Variants in GTF2A1L observed in about 807,000 individuals in gnomAD.
GTF2A1L encodes the protein general transcription factor IIA subunit 1 like, also known as TFIIA-alpha and beta-like factor.
A neutral mutation model predicts 49.7 loss-of-function variants in GTF2A1L; 48 were observed. The ratio of observed to expected loss-of-function variants is 0.97; its 90% CI spans 0.77 to 1.23. The LOEUF (loss-of-function observed/expected upper bound fraction) is 1.23, where lower values mean the gene tolerates loss of function less well. Among genes scored for constraint, GTF2A1L ranks in the 50% most tolerant of loss-of-function variants. GTF2A1L has a pLI of 0.00. For synonymous variants in GTF2A1L, 246 were observed against 193.5 expected, an observed-to-expected ratio of 1.27 and a Z score of -2.25; for missense variants, 736 against 564.8, an observed-to-expected ratio of 1.30 and a Z score of -3.07.
intron 4 of GTF2A1L, among the ~76,000 whole-genome samples, chr2:48,642,991 G>T (rs1389855926): frequency 6.6e-6 from 1 of 152,178 alleles, no homozygotes; most frequent in Non-Finnish European, 1.5e-5. Flanking sequence ...GCAGTTGTTA[G>T]CATCTTCCAA....
Position 48,647,000 on chromosome 2 carries a change from A to C in GTF2A1L, c.936A>C (p.Pro312=). The change falls in exon 6 of 9, where the codon CCA becomes CCC. Residue 312 remains proline, a synonymous_variant. Transcript: ENST00000403751. Reference sequence around the variant, plus strand: ...ATGGATGTGATTCTGTAAAGCAACCAAGAAATATAGAGGAACCCAGCAACA... The same window carrying C: ...ATGGATGTGATTCTGTAAAGCAACCCAGAAATATAGAGGAACCCAGCAACA... ...RMYGCDSVKQ[P]RNIEEPSNIP... 6.2e-7 allele frequency: 1 copy of C among 1,613,812 alleles called. No homozygotes were observed. Among genetic ancestry groups the C allele is most frequent in the Non-Finnish European group, 8.5e-7 (1 of 1,179,886 alleles).
At chr2:48,673,363 T>TTG (rs1416551747) in intron 8 of GTF2A1L, among the ~76,000 whole-genome samples, 2 of 99,662 alleles carry the variant, frequency 2.0e-5, no homozygotes, top group East Asian at 4.7e-4. Context: ...AGGAAACTTT[T>TTG]TTTTTTTTTT....
chr2:48,652,338 G>A lies in GTF2A1L; in HGVS notation c.978+5296G>A, dbSNP rs564052761. On this transcript the variant is annotated intron_variant, in intron 6 of 8. Coordinates refer to ENST00000403751, the MANE Select transcript of GTF2A1L (RefSeq NM_006872.5). ...TGCTATTAAAATGAAAAGCCAGGCC[G>A]GGCATGGTGGCTGCTGCCTGTAATC... Among the ~76,000 whole-genome samples, 23 of 152,174 alleles carry A rather than the reference G, an allele frequency of 1.5e-4. No homozygotes were observed. The South Asian group carries it at 2.9e-3, about 19-fold the overall frequency.
At chr2:48,640,318 A>G (rs562273439) in intron 3 of GTF2A1L, among the ~76,000 whole-genome samples, 26 of 152,320 alleles carry the variant, frequency 1.7e-4, no homozygotes, top group African/African-American at 6.0e-4. Context: ...CTGACTGGAT[A>G]AAGGAAATGT....
rs760676701 is a variant in GTF2A1L at position 48,647,003 on chromosome 2, A to G, written c.939A>G (p.Arg313=). 1.2e-6 allele frequency: 2 copies of G among 1,613,698 alleles called. No homozygotes were observed. Among genetic ancestry groups the G allele is most frequent in the Non-Finnish European group, 8.5e-7 (1 of 1,179,820 alleles). ...MYGCDSVKQP[R]NIEEPSNIPV... ...GATGTGATTCTGTAAAGCAACCAAG[A>G]AATATAGAGGAACCCAGCAACATAC... is the stretch of plus-strand genomic sequence containing the variant. The change falls in exon 6 of 9, where the codon AGA becomes AGG. Residue 313 remains arginine (R), a synonymous_variant. Transcript: ENST00000403751.
At chr2:48,618,099 C>A (rs1675766298) in intron 1 of GTF2A1L, 1 of 553,590 alleles carries the variant, frequency 1.8e-6, no homozygotes. Context: ...GTTGGGCCAG[C>A]CCCGCCAAAA....
At chr2:48,648,803 A>G (rs1161948086) in intron 6 of GTF2A1L, among the ~76,000 whole-genome samples, 1 of 152,156 alleles carries the variant, frequency 6.6e-6, no homozygotes, top group Non-Finnish European at 1.5e-5. Context: ...AAAAAGGTCT[A>G]TGTCTAACAC....
intron 7 of GTF2A1L, 126 bp from the exon 8 acceptor site, chr2:48,671,465 T>C: frequency 1.1e-6 from 1 of 896,452 alleles, no homozygotes; most frequent in Non-Finnish European, 1.6e-6. Context: ...AGGCCTCCCG[T>C]AGTGCTGGGA....
At position 48,669,907 on chromosome 2, in the gene GTF2A1L, T is replaced by C. The variant is rs1178948734; in HGVS notation, c.1164T>C (p.Ala388=). The C allele has an allele frequency of 6.2e-7, 1 of 1,614,074 alleles. No homozygotes were observed. The highest frequency in any genetic ancestry group is 8.5e-7 in the Non-Finnish European group (1 of 1,180,000). The change falls in exon 7 of 9, where the codon GCT becomes GCC. Residue 388 remains alanine, a synonymous_variant. Transcript: ENST00000403751. ...ATCTGAAGGTACCTGAAGAAGAAGC[T>C]GACAGTATTTCAAATGAGGATTCAG... ...GGDLKVPEEE[A]DSISNEDSAT...
At chr2:48,660,354 T>G (rs1341554324) in intron 6 of GTF2A1L, among the ~76,000 whole-genome samples, 1 of 152,156 alleles carries the variant, frequency 6.6e-6, no homozygotes, top group Non-Finnish European at 1.5e-5. Flanking sequence ...ATGATTGGTA[T>G]TCATCTTTAA....
rs111701093 is a variant in GTF2A1L, at chr2:48,642,508, G to T, written c.303+51G>T. 5.7e-5 allele frequency: 85 copies of T among 1,480,594 alleles called. No individual in the cohort carries two copies. The South Asian group carries it at 1.0e-3, about 17-fold the overall frequency. 91.7% of individuals were successfully genotyped at this position (1,480,594 alleles called of 1,614,324 possible). On this transcript the variant is annotated intron_variant, in intron 4 of 8. Coordinates refer to ENST00000403751, the MANE Select transcript of GTF2A1L (RefSeq NM_006872.5). ...TTAAAAGACATGTCCCACTGTTAGC[G>T]AGTGGTGGCAAAATGCTGAACATAG...
intron 6 of GTF2A1L, among the ~76,000 whole-genome samples, chr2:48,654,100 C>G (rs1678032945): frequency 6.6e-6 from 1 of 152,054 alleles, no homozygotes; most frequent in Admixed American, 6.5e-5. Context: ...TGGAATTTTG[C>G]ATTTCTACCA....
At chr2:48,655,501 A>AT (rs1173270621) in intron 6 of GTF2A1L, among the ~76,000 whole-genome samples, 1 of 151,990 alleles carries the variant, frequency 6.6e-6, no homozygotes, top group African/African-American at 2.4e-5. Context: ...CCTAAAATAC[A>AT]TTTTTTAAAA....
intron 6 of GTF2A1L, among the ~76,000 whole-genome samples, chr2:48,664,208 T>C (rs1678685063): frequency 6.6e-6 from 1 of 152,174 alleles, no homozygotes; most frequent in South Asian, 2.1e-4. Flanking sequence ...GTTCCTGATT[T>C]TAAGGGGAAA....
At chr2:48,647,924 A>G (rs894254170) in intron 6 of GTF2A1L, among the ~76,000 whole-genome samples, 20 of 152,126 alleles carry the variant, frequency 1.3e-4, no homozygotes, top group Non-Finnish European at 2.9e-5. Context: ...CATGTGAAAA[A>G]TACTTAAAGG....
chr2:48,672,836 G>A (rs1194056118), intron 8 of GTF2A1L, among the ~76,000 whole-genome samples: 1 of 152,096 alleles, frequency 6.6e-6, no homozygotes, highest in Non-Finnish European at 1.5e-5. Context: ...GGTTTATTTA[G>A]TGTATTCATA....
chr2:48,657,054 A>G (rs1020407114), intron 6 of GTF2A1L, among the ~76,000 whole-genome samples: 3 of 152,162 alleles, frequency 2.0e-5, no homozygotes, highest in Admixed American at 6.5e-5. Flanking sequence ...ACACCTGTCT[A>G]TACATTAATA....
intron 6 of GTF2A1L, among the ~76,000 whole-genome samples, chr2:48,669,010 T>C (rs1572772873): frequency 6.6e-6 from 1 of 152,288 alleles, no homozygotes; most frequent in South Asian, 2.1e-4. Context: ...TTTTTACTTT[T>C]GTTGTGCTGA....
At chr2:48,639,474 G>A (rs1462711490) in intron 3 of GTF2A1L, among the ~76,000 whole-genome samples, 1 of 152,144 alleles carries the variant, frequency 6.6e-6, no homozygotes, top group African/African-American at 2.4e-5. Context: ...AATAAATGGT[G>A]CTGGGATAAC....
Sources: allele counts gnomAD v4.1 joint callset (sites outside exome capture counted in the v4.1 genomes callset), GRCh38; gene constraint gnomAD v4.1.1; transcripts MANE v1.5; gene names NCBI Gene and HGNC (gene_info 2026-07-23, HGNC 2026-07-21).